Variants in CPS1 observed in about 807,000 individuals in gnomAD.
CPS1 encodes the protein carbamoyl-phosphate synthase [ammonia], mitochondrial.
CPS1 carries 109 observed loss-of-function variants against 174.6 expected under a neutral mutation model. That is an observed-to-expected ratio of 0.62 (90% CI 0.53 to 0.73). The LOEUF is 0.73. Ranked by LOEUF, CPS1 falls within the 30% of genes least tolerant of loss-of-function variation. The pLI, the probability that CPS1 is intolerant of heterozygous loss-of-function variation, is 0.00. For synonymous variants in CPS1, 637 were observed against 632.0 expected, an observed-to-expected ratio of 1.01 and a Z score of -0.12; for missense variants, 1,689 against 1,821.9, an observed-to-expected ratio of 0.93 and a Z score of 1.33.
chr2:210,609,892 C>A lies in CPS1; in HGVS notation c.2391+1333C>A, dbSNP rs1170234009. Among the ~76,000 whole-genome samples the A allele has an allele frequency of 2.6e-5, 4 of 152,024 alleles. No individual in the cohort carries two copies. In the East Asian group the frequency reaches 7.8e-4, roughly 30 times the overall value. On this transcript the variant is annotated intron_variant, in intron 19 of 37. Transcript: ENST00000233072. ...AAAGAAAAAGAAATGCTTTACTGGT[C>A]TATCATATTCACACATGAAAGGCAG...
intron 1 of CPS1, among the ~76,000 whole-genome samples, chr2:210,542,590 C>T (rs1421867272): frequency 1.3e-5 from 2 of 151,986 alleles, no homozygotes; most frequent in Non-Finnish European, 2.9e-5. Context: ...TCTTTAGATG[C>T]CGTGTTGTCT....
rs1700222889 is a variant in CPS1 at position 210,641,484 on chromosome 2, C to A, written c.2960-1000C>A. On this transcript the variant is annotated intron_variant, in intron 24 of 37. Transcript: ENST00000233072. The stretch of plus-strand genomic sequence containing the variant: ...GGGATCTGCACTTATGAACTAAAAC[C>A]CTCCTAAAAGGCCCCACCTCCCAGC... 3.3e-5 allele frequency among the ~76,000 whole-genome samples: 5 copies of A among 152,144 alleles called. No homozygotes were observed. In the South Asian group the frequency reaches 1.0e-3, roughly 32 times the overall value.
chr2:210,598,892 C>T lies in CPS1; in HGVS notation c.1360-480C>T, dbSNP rs191176025. The stretch of plus-strand genomic sequence containing the variant: ...ATAGACCTTTGTAAGAACTCTCCAC[C>T]CCAAAACAACAGAATATACATTTTT... On this transcript the variant is annotated intron_variant, in intron 13 of 37. Coordinates refer to ENST00000233072, the MANE Select transcript of CPS1 (RefSeq NM_001875.5). Among the ~76,000 whole-genome samples, 3 of 152,012 alleles carry T rather than the reference C, an allele frequency of 2.0e-5. No homozygotes were observed. The East Asian group carries it at 5.8e-4, about 30-fold the overall frequency.
At chr2:210,619,450 G>A (rs1378766175) in intron 21 of CPS1, 1 of 151,894 alleles carries the variant, frequency 6.6e-6, no homozygotes, top group East Asian at 1.9e-4. Flanking sequence ...GCTACTTGTT[G>A]TAATAAAGGT....
intron 1 of CPS1, among the ~76,000 whole-genome samples, chr2:210,507,783 G>T (rs1695331556): frequency 6.6e-6 from 1 of 152,144 alleles, no homozygotes; most frequent in Admixed American, 6.5e-5. Context: ...GACAAAGAAG[G>T]CCATTACATG....
chr2:210,511,447 G>T (rs1695489656), intron 1 of CPS1, among the ~76,000 whole-genome samples: 1 of 151,992 alleles, frequency 6.6e-6, no homozygotes, highest in Non-Finnish European at 1.5e-5. Flanking sequence ...ACGAGTTAAT[G>T]GGTGCAGCAC....
intron 19 of CPS1, among the ~76,000 whole-genome samples, chr2:210,610,696 A>G (rs1699082555): frequency 6.6e-6 from 1 of 151,856 alleles, no homozygotes; most frequent in East Asian, 2.0e-4. Flanking sequence ...TCCAGTCTGT[A>G]GTGAGCCCTA....
Position 210,557,180 on chromosome 2 carries a change from T to G in CPS1, c.126+321T>G, listed in dbSNP as rs150334469. Among the ~76,000 whole-genome samples, 6 of 152,164 alleles carry G rather than the reference T, an allele frequency of 3.9e-5. No homozygotes were observed. In the East Asian group the frequency reaches 1.2e-3, roughly 30 times the overall value. On this transcript the variant is annotated intron_variant, in intron 1 of 37. Coordinates refer to ENST00000233072, the MANE Select transcript of CPS1 (RefSeq NM_001875.5). The stretch of plus-strand genomic sequence containing the variant: ...TGTGACTAGATACTATTGCTTACAG[T>G]TTGGATTTAAAAAATGGAGCTGCTT...
At chr2:210,653,772 C>G (rs148268875) in intron 28 of CPS1, among the ~76,000 whole-genome samples, 1 of 152,178 alleles carries the variant, frequency 6.6e-6, no homozygotes, top group Admixed American at 6.5e-5. Context: ...GATGCCTATA[C>G]TTGAGGATTC....
At chr2:210,486,163 G>GTATA (rs1232900703) in intron 1 of CPS1, among the ~76,000 whole-genome samples, 4 of 131,050 alleles carry the variant, frequency 3.1e-5, no homozygotes, top group Admixed American at 7.8e-5. Flanking sequence ...CACACACCCT[G>GTATA]TATATATATA....
intron 31 of CPS1, 38 bp from the exon 32 acceptor site, chr2:210,660,447 C>G (rs1700879920): frequency 1.3e-6 from 2 of 1,596,484 alleles, no homozygotes; most frequent in African/African-American, 1.3e-5. Context: ...TACTGGCTCT[C>G]AATGTCCTCT....
At chr2:210,535,720 C>A (rs187791601) in intron 1 of CPS1, among the ~76,000 whole-genome samples, 104 of 151,968 alleles carry the variant, frequency 6.8e-4, no homozygotes, top group Non-Finnish European at 1.2e-3. Context: ...GAAGAAAATA[C>A]ATCTGCTAAT....
chr2:210,515,656 A>G (rs1221911201), intron 1 of CPS1, among the ~76,000 whole-genome samples: 1 of 151,378 alleles, frequency 6.6e-6, no homozygotes, highest in Non-Finnish European at 1.5e-5. Context: ...ACCCACTTTT[A>G]GTTTTGTTGA....
chr2:210,545,213 T>C (rs1016032256), intron 1 of CPS1, among the ~76,000 whole-genome samples: 2 of 152,044 alleles, frequency 1.3e-5, no homozygotes, highest in Non-Finnish European at 2.9e-5. Context: ...GTGTATAAGC[T>C]CTAACGGTCA....
intron 1 of CPS1, among the ~76,000 whole-genome samples, chr2:210,499,574 T>C (rs1695090710): frequency 6.6e-6 from 1 of 152,186 alleles, no homozygotes; most frequent in African/African-American, 2.4e-5. Context: ...GCTGACTTTG[T>C]ATGCACTCGG....
intron 1 of CPS1, among the ~76,000 whole-genome samples, chr2:210,506,681 A>C (rs1194617867): frequency 6.6e-6 from 1 of 152,228 alleles, no homozygotes; most frequent in African/African-American, 2.4e-5. Flanking sequence ...GAAGTCCTTA[A>C]AGGACCTGAT....
chr2:210,647,929 A>G lies in CPS1; in HGVS notation c.3208A>G (p.Lys1070Glu), dbSNP rs774389794. ...AAACAACCTGGCAGTTCCTCTATAC[A>G]AGAATGGTGTCAAGATCATGGGCAC... is the stretch of plus-strand genomic sequence containing the variant. ...IPNNLAVPLY[K>E]NGVKIMGTSP... The change falls in exon 26 of 38, where the codon AAG becomes GAG. Residue 1070 changes from lysine to glutamate, a missense_variant. By Grantham distance (56) the Lys-to-Glu change is moderately conservative. Coordinates refer to ENST00000233072, the MANE Select transcript of CPS1 (RefSeq NM_001875.5). 3 of 1,614,094 alleles carry G rather than the reference A, an allele frequency of 1.9e-6. No individual in the cohort carries two copies. Among genetic ancestry groups the G allele is most frequent in the Non-Finnish European group, 2.5e-6 (3 of 1,179,956 alleles).
intron 33 of CPS1, among the ~76,000 whole-genome samples, chr2:210,664,398 G>A (rs1055024034): frequency 2.0e-5 from 3 of 151,562 alleles, no homozygotes; most frequent in Admixed American, 6.6e-5. Context: ...GGAGTGCAAC[G>A]GCATGATCTC....
chr2:210,506,910 C>T (rs1234200533), intron 1 of CPS1, among the ~76,000 whole-genome samples: 1 of 152,136 alleles, frequency 6.6e-6, no homozygotes, highest in African/African-American at 2.4e-5. Context: ...ATTGGTGTAC[C>T]TGAAAGTGAC....
Sources: gnomAD v4.1 joint callset for allele counts (sites outside exome capture counted in the v4.1 genomes callset) on GRCh38, gnomAD v4.1.1 for gene constraint, MANE v1.5 for transcripts, NCBI Gene and HGNC (gene_info 2026-07-23, HGNC 2026-07-21) for gene names.